The following ASIC2 variants were observed in gnomAD, a reference collection of about 807,000 sequenced individuals.
ASIC2 encodes acid-sensing ion channel 2.
A neutral mutation model predicts 57.3 loss-of-function variants in ASIC2; 25 were observed. That is an observed-to-expected ratio of 0.44 (90% CI 0.32 to 0.61). The LOEUF is 0.61. ASIC2 is among the 20% of genes least tolerant of loss of function. The pLI is 0.06. For synonymous variants in ASIC2, 319 were observed against 307.5 expected (o/e 1.04, Z -0.39); for missense variants, 641 against 738.1 (o/e 0.87, Z 1.52).
At chr17:34,132,496 C>A (rs561159051) in intron 1 of ASIC2, among the ~76,000 whole-genome samples, 2 of 152,236 alleles carry the variant, frequency 1.3e-5, no homozygotes, top group East Asian at 3.9e-4. Flanking sequence ...AAGGGTCTTT[C>A]TTTTTTCAAT....
chr17:33,574,703 T>TA, intron 1 of ASIC2, among the ~76,000 whole-genome samples: 1 of 152,354 alleles, frequency 6.6e-6, no homozygotes, highest in Non-Finnish European at 1.5e-5. Flanking sequence ...TTTTTAGCCT[T>TA]ACAAATTGCA....
At chr17:33,304,907 C>T (rs1388951227) in intron 1 of ASIC2, among the ~76,000 whole-genome samples, 1 of 152,064 alleles carries the variant, frequency 6.6e-6, no homozygotes, top group Non-Finnish European at 1.5e-5. Context: ...GCTTGAAGGG[C>T]CTGAGCATTT....
chr17:33,776,118 G>T (rs1911265798), intron 1 of ASIC2, among the ~76,000 whole-genome samples: 1 of 123,960 alleles, frequency 8.1e-6, no homozygotes, highest in Middle Eastern at 5.1e-3. Flanking sequence ...ATGTGACACA[G>T]CAAGACTCTG....
At chr17:33,324,619 C>G (rs1597683469) in intron 1 of ASIC2, among the ~76,000 whole-genome samples, 1 of 152,254 alleles carries the variant, frequency 6.6e-6, no homozygotes, top group East Asian at 1.9e-4. Context: ...CCGAGGAAGC[C>G]TTCCACTGGG....
chr17:33,840,904 T>C (rs1913417970), intron 1 of ASIC2, among the ~76,000 whole-genome samples: 1 of 151,928 alleles, frequency 6.6e-6, no homozygotes, highest in African/African-American at 2.4e-5. Context: ...AATTGGAGCA[T>C]CTTAGTCTGT....
In ASIC2 at chr17:33,500,557, G is replaced by T. The variant is rs940581676; in HGVS notation, c.556-388490C>A. Among the ~76,000 whole-genome samples the T allele has an allele frequency of 2.0e-5, 3 of 152,202 alleles. No individual in the cohort carries two copies. The South Asian group carries it at 6.2e-4, about 31-fold the overall frequency. On this transcript the variant is annotated intron_variant, in intron 1 of 9. Coordinates refer to the ASIC2 transcript ENST00000359872. Reference sequence around the variant, plus strand: ...TGATCTGTTAGGAGAGGTTCAGAAAGAAGAGTTGCATGGTCAAATAGATGT... The same window carrying T: ...TGATCTGTTAGGAGAGGTTCAGAAATAAGAGTTGCATGGTCAAATAGATGT...
intron 1 of ASIC2, among the ~76,000 whole-genome samples, chr17:33,799,590 A>G (rs1210703643): frequency 6.7e-6 from 1 of 150,280 alleles, no homozygotes; most frequent in Non-Finnish European, 1.5e-5. Flanking sequence ...ATGCCAACCT[A>G]GTGCAGTGAT....
chr17:33,684,059 T>C (rs1423460157), intron 1 of ASIC2, among the ~76,000 whole-genome samples: 1 of 152,256 alleles, frequency 6.6e-6, no homozygotes, highest in Non-Finnish European at 1.5e-5. Flanking sequence ...ATTTTGCTTT[T>C]AGTTCTTTAC....
intron 1 of ASIC2, among the ~76,000 whole-genome samples, chr17:33,685,483 C>T (rs1316824745): frequency 6.6e-6 from 1 of 152,156 alleles, no homozygotes; most frequent in Non-Finnish European, 1.5e-5. Context: ...TCCAAATTAC[C>T]CTGACAGCTA....
chr17:33,661,317 G>T (rs1220664492), intron 1 of ASIC2, among the ~76,000 whole-genome samples: 2 of 152,232 alleles, frequency 1.3e-5, no homozygotes, highest in Non-Finnish European at 2.9e-5. Flanking sequence ...CTTCAAGAAG[G>T]TAGTTCGTTT....
intron 1 of ASIC2, among the ~76,000 whole-genome samples, chr17:33,505,989 G>A (rs1197160820): frequency 6.6e-6 from 1 of 152,220 alleles, no homozygotes; most frequent in Admixed American, 6.5e-5. Context: ...CATATAATAT[G>A]TGATCAGCAG....
At chr17:34,067,729 G>A (rs896668970) in intron 1 of ASIC2, among the ~76,000 whole-genome samples, 11 of 152,160 alleles carry the variant, frequency 7.2e-5, no homozygotes, top group African/African-American at 2.7e-4. Context: ...TGTGAAGGAT[G>A]AGGAAATCTT....
intron 1 of ASIC2, among the ~76,000 whole-genome samples, chr17:33,200,152 G>A (rs1376751262): frequency 6.6e-6 from 1 of 152,120 alleles, no homozygotes; most frequent in East Asian, 1.9e-4. Flanking sequence ...TCTAACCCCC[G>A]AGCTTCTCTT....
At chr17:33,361,736 T>C (rs1475901343) in intron 1 of ASIC2, among the ~76,000 whole-genome samples, 6 of 152,284 alleles carry the variant, frequency 3.9e-5, no homozygotes, top group African/African-American at 1.4e-4. Flanking sequence ...ATGCCAGGAC[T>C]CCAGTTTCCT....
intron 2 of ASIC2, among the ~76,000 whole-genome samples, chr17:33,101,133 T>C (rs1021917128): frequency 6.6e-6 from 1 of 152,144 alleles, no homozygotes; most frequent in African/African-American, 2.4e-5. Context: ...CAGAGCCTGC[T>C]CCTCTCATTC....
chr17:33,725,731 C>CA (rs1909533248), intron 1 of ASIC2, among the ~76,000 whole-genome samples: 1 of 147,302 alleles, frequency 6.8e-6, no homozygotes, highest in South Asian at 2.3e-4. Flanking sequence ...ACCCCCCCCC[C>CA]CTTTTTTTAT....
intron 1 of ASIC2, among the ~76,000 whole-genome samples, chr17:33,353,046 G>A (rs762504722): frequency 5.3e-5 from 8 of 152,112 alleles, no homozygotes; most frequent in Non-Finnish European, 8.8e-5. Context: ...CTCCTTAAGC[G>A]TCCTGACTTT....
At chr17:33,511,583 G>A (rs188888031) in intron 1 of ASIC2, among the ~76,000 whole-genome samples, 1 of 152,080 alleles carries the variant, frequency 6.6e-6, no homozygotes. Context: ...CCTTTTCGAA[G>A]GTGCCCACTT....
chr17:34,069,327 CTTTCTT>C (rs1242197409), intron 1 of ASIC2: 48 of 40,284 alleles, frequency 1.2e-3, no homozygotes, highest in African/African-American at 1.5e-3. Flanking sequence ...CCTTTCCTCT[CTTTCTT>C]TTTCTTTCAT....
Sources: allele counts gnomAD v4.1 joint callset (sites outside exome capture counted in the v4.1 genomes callset), GRCh38; gene constraint gnomAD v4.1.1; transcripts MANE v1.5; gene names NCBI Gene and HGNC (gene_info 2026-07-23, HGNC 2026-07-21).